TRAPPC12: variants seen among roughly 807,000 people sequenced by gnomAD.
TRAPPC12 encodes the protein TPR repeat protein 15.
TRAPPC12 carries 61 observed loss-of-function variants against 69.2 expected under a neutral mutation model. That is an observed-to-expected ratio of 0.88 (90% CI 0.72 to 1.09). TRAPPC12 has a LOEUF of 1.09. Among genes scored for constraint, TRAPPC12 ranks in the 50% least tolerant of loss-of-function variants. TRAPPC12 has a pLI of 0.00. For synonymous variants in TRAPPC12, 469 were observed against 438.9 expected, an observed-to-expected ratio of 1.07 and a Z score of -0.86; for missense variants, 1,101 against 1,016.4, an observed-to-expected ratio of 1.08 and a Z score of -1.13.
At position 3,479,240 on chromosome 2, in the gene TRAPPC12, T is replaced by C. The variant is rs774526305; in HGVS notation, c.1987T>C (p.Cys663Arg). 2 of 1,613,822 alleles carry C rather than the reference T, an allele frequency of 1.2e-6. No individual in the cohort carries two copies. The highest frequency in any genetic ancestry group is 1.3e-5 in the African/African-American group (1 of 74,936). The change falls in exon 12 of 12, where the codon TGT becomes CGT. Residue 663 changes from cysteine (C) to arginine (R), a missense_variant. Transcript: ENST00000324266. ...NAVANNNAAV[C>R]LLYLGKLKDS... Reference sequence around the variant, plus strand: ...CTAGGCCAACAACAACGCTGCCGTGTGTCTGCTCTACCTGGGCAAGCTCAA... The same window carrying C: ...CTAGGCCAACAACAACGCTGCCGTGCGTCTGCTCTACCTGGGCAAGCTCAA...
chr2:3,417,503 T>C (rs1323562656), intron 3 of TRAPPC12, among the ~76,000 whole-genome samples: 2 of 152,130 alleles, frequency 1.3e-5, no homozygotes, highest in African/African-American at 4.8e-5. Context: ...GTTGCCCCTC[T>C]TGCCTGGAAC....
chr2:3,384,443 T>C (rs1660401926), intron 1 of TRAPPC12, among the ~76,000 whole-genome samples: 1 of 152,252 alleles, frequency 6.6e-6, no homozygotes, highest in African/African-American at 2.4e-5. Flanking sequence ...AGGTTTCCTT[T>C]AGGTTTTTGG....
chr2:3,388,985 A>T (rs1660670290), intron 2 of TRAPPC12: 1 of 289,020 alleles, frequency 3.5e-6, no homozygotes, highest in South Asian at 1.5e-4. Context: ...AGTTAATAAT[A>T]AATCCATTTC....
At chr2:3,476,406 G>A (rs1018731955) in intron 9 of TRAPPC12, among the ~76,000 whole-genome samples, 1 of 152,160 alleles carries the variant, frequency 6.6e-6, no homozygotes, top group Admixed American at 6.5e-5. Context: ...GATTCCTCAG[G>A]GTCTTCACCG....
chr2:3,382,875 T>C (rs2324567), intron 1 of TRAPPC12, among the ~76,000 whole-genome samples: 81,908 of 152,112 alleles, frequency 0.54, 22,292 homozygotes, highest in East Asian at 0.69. Context: ...CAGTAAGCCA[T>C]CATCGTCCCA....
intron 2 of TRAPPC12, among the ~76,000 whole-genome samples, chr2:3,400,163 C>T (rs918710083): frequency 7.2e-5 from 11 of 152,346 alleles, no homozygotes; most frequent in South Asian, 2.1e-4. Flanking sequence ...CAGCCAGCTC[C>T]GGCTGCTTGC....
At chr2:3,411,588 G>A (rs576941954) in intron 3 of TRAPPC12, among the ~76,000 whole-genome samples, 110 of 152,270 alleles carry the variant, frequency 7.2e-4, no homozygotes, top group African/African-American at 2.6e-3. Flanking sequence ...ACATGTTTGT[G>A]TATATATGCT....
intron 9 of TRAPPC12, among the ~76,000 whole-genome samples, chr2:3,476,301 A>C (rs1666289534): frequency 6.6e-6 from 1 of 152,184 alleles, no homozygotes; most frequent in East Asian, 1.9e-4. Flanking sequence ...GCTGGCAAAA[A>C]ATGTAAGATT....
At chr2:3,464,124 T>A (rs1665665955) in intron 8 of TRAPPC12, among the ~76,000 whole-genome samples, 2 of 151,896 alleles carry the variant, frequency 1.3e-5, no homozygotes, top group South Asian at 4.2e-4. Flanking sequence ...GTGAGGGAGC[T>A]CACACACACA....
intron 5 of TRAPPC12, among the ~76,000 whole-genome samples, chr2:3,427,275 G>A (rs886906474): frequency 6.6e-6 from 1 of 152,180 alleles, no homozygotes; most frequent in African/African-American, 2.4e-5. Context: ...TCATAGTCCC[G>A]GGAGGGGGCT....
Position 3,443,760 on chromosome 2 carries a change from A to C in TRAPPC12, c.1418-19A>C, listed in dbSNP as rs1321245543. The C allele has an allele frequency of 7.5e-6, 12 of 1,608,582 alleles. No homozygotes were observed. The East Asian group carries it at 2.7e-4, about 36-fold the overall frequency. On this transcript the variant is annotated intron_variant, in intron 5 of 11. Coordinates refer to ENST00000324266, the MANE Select transcript of TRAPPC12 (RefSeq NM_016030.6). ...TCAGTTATGGCAAACAAACTCACTC[A>C]GCACTGATTGGATTCCAGGCTCCAT...
chr2:3,403,471 T>C (rs1661567083), intron 3 of TRAPPC12, among the ~76,000 whole-genome samples: 1 of 152,206 alleles, frequency 6.6e-6, no homozygotes, highest in Non-Finnish European at 1.5e-5. Context: ...CCTCAGGTGA[T>C]CCGCCTGCCT....
At chr2:3,430,160 G>A (rs1053419960) in intron 5 of TRAPPC12, among the ~76,000 whole-genome samples, 2 of 151,928 alleles carry the variant, frequency 1.3e-5, no homozygotes, top group Non-Finnish European at 2.9e-5. Context: ...ATCCATATCC[G>A]TATCCATAAG....
At chr2:3,441,656 T>A (rs1242272976) in intron 5 of TRAPPC12, among the ~76,000 whole-genome samples, 3 of 145,850 alleles carry the variant, frequency 2.1e-5, no homozygotes, top group Non-Finnish European at 4.6e-5. Flanking sequence ...TACAATAATA[T>A]TTTTATTATT....
chr2:3,390,040 G>T (rs2103436878), intron 2 of TRAPPC12, among the ~76,000 whole-genome samples: 1 of 152,322 alleles, frequency 6.6e-6, no homozygotes, highest in African/African-American at 2.4e-5. Context: ...AATAGGTGAA[G>T]AGGGGTAATC....
At chr2:3,380,778 T>C (rs1483755387) in intron 1 of TRAPPC12, among the ~76,000 whole-genome samples, 1 of 152,360 alleles carries the variant, frequency 6.6e-6, no homozygotes, top group East Asian at 1.9e-4. Flanking sequence ...CCACTCTGCT[T>C]TATCATTAAA....
intron 5 of TRAPPC12, among the ~76,000 whole-genome samples, chr2:3,440,421 A>G (rs978591385): frequency 6.6e-6 from 1 of 151,828 alleles, no homozygotes; most frequent in African/African-American, 2.4e-5. Context: ...TCCATTTTAT[A>G]CGTGGGTATT....
intron 6 of TRAPPC12, among the ~76,000 whole-genome samples, chr2:3,454,033 T>C (rs955105157): frequency 6.6e-6 from 1 of 152,182 alleles, no homozygotes; most frequent in African/African-American, 2.4e-5. Context: ...AAAACAATAG[T>C]CACTGAGGGT....
intron 5 of TRAPPC12, among the ~76,000 whole-genome samples, chr2:3,440,954 T>C (rs1231256120): frequency 2.0e-5 from 3 of 152,230 alleles, no homozygotes; most frequent in African/African-American, 7.2e-5. Context: ...TAGATTATGT[T>C]AATTGATTTT....
Sources: allele counts gnomAD v4.1 joint callset (sites outside exome capture counted in the v4.1 genomes callset), GRCh38; gene constraint gnomAD v4.1.1; transcripts MANE v1.5; gene names NCBI Gene and HGNC (gene_info 2026-07-23, HGNC 2026-07-21).